Variants in CELF2 observed in about 807,000 individuals in gnomAD.
CELF2 encodes the protein CUG triplet repeat RNA-binding protein 2.
In CELF2, 8 loss-of-function variants were observed where a neutral mutation model predicts 62.6. That is an observed-to-expected ratio of 0.13 (90% CI 0.07 to 0.23). CELF2 has a LOEUF of 0.23. Ranked by LOEUF, CELF2 falls within the 10% of genes least tolerant of loss-of-function variation. CELF2 has a pLI of 1.00. For missense variants in CELF2, 333 were observed against 671.0 expected (o/e 0.50, Z 5.56); for synonymous variants, 258 against 250.0 (o/e 1.03, Z -0.30).
chr10:11,089,602 G>A (rs999565572), intron 1 of CELF2, among the ~76,000 whole-genome samples: 1 of 152,180 alleles, frequency 6.6e-6, no homozygotes, highest in African/African-American at 2.4e-5. Flanking sequence ...AGAGGTTTCA[G>A]TGGCTGGTGG....
intron 1 of CELF2, among the ~76,000 whole-genome samples, chr10:10,877,766 A>G (rs779782950): frequency 1.3e-5 from 2 of 152,234 alleles, no homozygotes; most frequent in Non-Finnish European, 2.9e-5. Context: ...TTTTACTGCC[A>G]TCCTTAGAGG....
At position 11,065,820 on chromosome 10, in the gene CELF2, C is replaced by G. The variant is rs115785463; in HGVS notation, c.74+47657C>G. Among the ~76,000 whole-genome samples, 1,126 of 152,178 alleles carry G rather than the reference C, an allele frequency of 7.4e-3. 10 individuals are homozygous for G. The highest frequency in any genetic ancestry group is 0.025 in the African/African-American group (1,025 of 41,514). On this transcript the variant is annotated intron_variant, in intron 1 of 12. Coordinates refer to ENST00000633077, the MANE Select transcript of CELF2 (RefSeq NM_001326342.2). ...TAGGAATAGAGCAGGGCAAGGAGAACTAGGAGCTCCAGATTTGGAGGGCCC... is the reference window on the plus strand; with the variant it reads ...TAGGAATAGAGCAGGGCAAGGAGAAGTAGGAGCTCCAGATTTGGAGGGCCC...
intron 2 of CELF2, among the ~76,000 whole-genome samples, chr10:10,922,118 C>CA (rs11439941): frequency 0.33 from 50,062 of 150,166 alleles, 9,014 homozygotes; most frequent in East Asian, 0.71. Context: ...TTAATATTGC[C>CA]AAAAAAAAAC....
At chr10:11,278,049 A>G (rs565431682) in intron 8 of CELF2, among the ~76,000 whole-genome samples, 2 of 152,370 alleles carry the variant, frequency 1.3e-5, no homozygotes, top group African/African-American at 2.4e-5. Context: ...GTTTATAGCT[A>G]GAGTCTAAAA....
rs1424252069 is a variant in CELF2 at position 10,947,244 on chromosome 10, A to T, written c.89+27245A>T. ...ACCAGTCCTTCACCTGCTGCACAAA[A>T]TCATACCTTTCCATGCACAGTTGGA... On this transcript the variant is annotated intron_variant, in intron 2 of 13. Coordinates refer to the CELF2 transcript ENST00000636488. The surrounding 1 kb of genome is among the most constrained non-coding windows in gnomAD (Gnocchi z 4.1). The T allele has an allele frequency of 1.3e-5, 2 of 152,446 alleles. No homozygotes were observed. The highest frequency in any genetic ancestry group is 2.4e-5 in the African/African-American group (1 of 41,454). 9.4% of individuals were successfully genotyped at this position (152,446 alleles called of 1,614,324 possible). A position where few individuals can be genotyped will look rare whatever the true frequency, so the allele number is the denominator to read the frequency against.
the CELF2 span, among the ~76,000 whole-genome samples, chr10:10,716,517 G>C: frequency 2.0e-5 from 3 of 152,254 alleles, no homozygotes; most frequent in Non-Finnish European, 4.4e-5. Flanking sequence ...CTCCAGCGTG[G>C]GTGATAAAGC....
chr10:11,325,721 G>GT (rs1230460337), intron 11 of CELF2, 115 bp from the exon 12 acceptor site: 4 of 862,260 alleles, frequency 4.6e-6, no homozygotes, highest in Non-Finnish European at 7.0e-6. Flanking sequence ...TTATCCATCT[G>GT]TTTGTTTGTT....
chr10:10,814,162 G>A (rs2056210368), intron 1 of CELF2, among the ~76,000 whole-genome samples: 1 of 136,574 alleles, frequency 7.3e-6, no homozygotes, highest in Admixed American at 8.3e-5. Flanking sequence ...TGGGGAAGGA[G>A]GACAGATCAT....
intron 1 of CELF2, among the ~76,000 whole-genome samples, chr10:11,029,319 G>A (rs2059752183): frequency 6.6e-6 from 1 of 152,150 alleles, no homozygotes. Context: ...AGCTGATAGG[G>A]TCTTTGGAGT....
intron 8 of CELF2, among the ~76,000 whole-genome samples, chr10:11,284,044 A>G (rs71491572): frequency 0.13 from 1,105 of 8,240 alleles, no homozygotes; most frequent in Middle Eastern, 0.33. Flanking sequence ...GTGTGTGGTG[A>G]GTGGATGAGG....
rs2059810652 is a variant in CELF2 at position 10,857,653 on chromosome 10, A to ATATATATATATATATATAGTT, written c.53+58854_53+58855insGTTTATATATATATATATATA. 5.5e-5 allele frequency among the ~76,000 whole-genome samples: 6 copies of ATATATATATATATATATAGTT among 108,596 alleles called. 1 individual carries two copies. Among genetic ancestry groups the ATATATATATATATATATAGTT allele is most frequent in the African/African-American group, 1.9e-4 (5 of 26,740 alleles). The allele number at this position is 108,596 out of a possible 152,430, so 71.2% of individuals were successfully genotyped here. A position where few individuals can be genotyped will look rare whatever the true frequency, so the allele number is the denominator to read the frequency against. ...GTGGTAAACTACATATATATAGTATATATATATATATATATATATATATAT... is the reference window on the plus strand; with the variant it reads ...GTGGTAAACTACATATATATAGTATATATATATATATATATATAGTTTATATATATATATATATATATATAT... On this transcript the variant is annotated intron_variant, in intron 1 of 13. Coordinates refer to the CELF2 transcript ENST00000636488.
intron 1 of CELF2, among the ~76,000 whole-genome samples, chr10:10,810,606 C>CT (rs2055764077): frequency 6.6e-6 from 1 of 151,966 alleles, no homozygotes; most frequent in Non-Finnish European, 1.5e-5. Context: ...AGGGGCGGCT[C>CT]TAAGGGGCTC....
chr10:11,038,852 T>G (rs1351629282), intron 1 of CELF2, among the ~76,000 whole-genome samples: 1 of 152,208 alleles, frequency 6.6e-6, no homozygotes, highest in South Asian at 2.1e-4. Context: ...TTATACTGAT[T>G]GGATTCATGT....
chr10:10,932,341 CATAGTGACT>C (rs1207256028), intron 2 of CELF2, among the ~76,000 whole-genome samples: 1 of 152,054 alleles, frequency 6.6e-6, no homozygotes, highest in Non-Finnish European at 1.5e-5. Flanking sequence ...TATTGTACAG[CATAGTGACT>C]ATAATTAATT....
chr10:11,056,930 G>A (rs1036407329), intron 1 of CELF2, among the ~76,000 whole-genome samples: 3 of 152,196 alleles, frequency 2.0e-5, no homozygotes, highest in Admixed American at 6.5e-5. Context: ...AAAATCCCAC[G>A]CCATGTTCAA....
the CELF2 span, among the ~76,000 whole-genome samples, chr10:10,594,708 G>T: frequency 3.3e-5 from 5 of 152,280 alleles, no homozygotes; most frequent in East Asian, 5.8e-4. Flanking sequence ...GGGAGTGTTG[G>T]GTACTAAGTC....
rs570231932 is a variant in CELF2, at chr10:11,010,119, C to G, written c.53+4679C>G. On this transcript the variant is annotated intron_variant, in intron 1 of 12. Coordinates refer to the CELF2 transcript ENST00000416382. This position sits in a 1 kb window ranked among gnomAD's most constrained non-coding sequence, Gnocchi z 4.1. Reference sequence around the variant, plus strand: ...TGCTTTGCTTTGTGAACATCCTGGGCTGAGAGTCCAGCTCTCCTCTGGGCT... The same window carrying G: ...TGCTTTGCTTTGTGAACATCCTGGGGTGAGAGTCCAGCTCTCCTCTGGGCT... 5 of 152,350 alleles carry G rather than the reference C, an allele frequency of 3.3e-5. No homozygotes were observed. The South Asian group carries it at 1.0e-3, about 32-fold the overall frequency. The allele number at this position is 152,350 out of a possible 1,614,324, so 9.4% of individuals were successfully genotyped here.
the CELF2 span, among the ~76,000 whole-genome samples, chr10:10,637,199 A>G: frequency 6.6e-6 from 1 of 152,188 alleles, no homozygotes; most frequent in Non-Finnish European, 1.5e-5. Flanking sequence ...AAAATGTTGG[A>G]GTAAAATCCG....
chr10:10,710,716 A>T, the CELF2 span, among the ~76,000 whole-genome samples: 1 of 152,312 alleles, frequency 6.6e-6, no homozygotes, highest in Non-Finnish European at 1.5e-5. Context: ...AATATCAGTG[A>T]CACATAAAAA....
Sources: gnomAD v4.1 joint callset for allele counts (sites outside exome capture counted in the v4.1 genomes callset) on GRCh38, gnomAD v4.1.1 for gene constraint, Gnocchi (gnomAD v3.1) non-coding constraint, MANE v1.5 for transcripts, NCBI Gene and HGNC (gene_info 2026-07-23, HGNC 2026-07-21) for gene names.